Variants in DSCAM observed in about 807,000 individuals in gnomAD.
DSCAM encodes the protein cell adhesion molecule DSCAM.
DSCAM carries 47 observed loss-of-function variants against 217.7 expected under a neutral mutation model. The observed-to-expected ratio is 0.22, with a 90% confidence interval of 0.17 to 0.28. The LOEUF (loss-of-function observed/expected upper bound fraction) is 0.28. Among genes scored for constraint, DSCAM ranks in the 10% least tolerant of loss-of-function variants. The probability of loss-of-function intolerance (pLI) is 1.00; values close to 1 mark genes in which losing one functional copy is unlikely to be tolerated. For synonymous variants in DSCAM, 1,056 were observed against 1,015.3 expected, an observed-to-expected ratio of 1.04 and a Z score of -0.76; for missense variants, 2,080 against 2,618.3, an observed-to-expected ratio of 0.79 and a Z score of 4.49.
rs556740656 is a variant in DSCAM, at chr21:40,362,551, T to C, written c.655+6548A>G. On this transcript the variant is annotated intron_variant, in intron 4 of 32. Coordinates refer to ENST00000400454, the MANE Select transcript of DSCAM (RefSeq NM_001389.5). ...CAGATGTTAAAATTTATCTGAGCTA[T>C]TTTGCTAAGGTTGAAAATGGAATTT... is the stretch of plus-strand genomic sequence containing the variant. 3.3e-5 allele frequency among the ~76,000 whole-genome samples: 5 copies of C among 152,340 alleles called. No homozygotes were observed. The South Asian group carries it at 8.3e-4, about 25-fold the overall frequency.
At chr21:40,633,802 G>A (rs906211032) in intron 3 of DSCAM, among the ~76,000 whole-genome samples, 3 of 152,192 alleles carry the variant, frequency 2.0e-5, no homozygotes, top group Admixed American at 6.5e-5. Flanking sequence ...AATGGTGTAA[G>A]ATGCTTGGAT....
chr21:40,575,312 C>T (rs185262495), intron 3 of DSCAM, among the ~76,000 whole-genome samples: 3 of 152,120 alleles, frequency 2.0e-5, no homozygotes, highest in East Asian at 1.9e-4. Flanking sequence ...TGTTCGCTGA[C>T]TCTTTTTGGA....
At chr21:40,196,984 T>G (rs1289957299) in intron 11 of DSCAM, among the ~76,000 whole-genome samples, 1 of 152,256 alleles carries the variant, frequency 6.6e-6, no homozygotes, top group Non-Finnish European at 1.5e-5. Context: ...CAAAGGTCTA[T>G]GCAGATGGTC....
At chr21:40,020,909 A>G (rs920476780) in intron 32 of DSCAM, among the ~76,000 whole-genome samples, 1 of 152,166 alleles carries the variant, frequency 6.6e-6, no homozygotes. Context: ...CCCTGAGGCC[A>G]ATGCCCTTCC....
intron 2 of DSCAM, among the ~76,000 whole-genome samples, chr21:40,699,080 A>C (rs906173425): frequency 3.3e-5 from 5 of 151,684 alleles, no homozygotes; most frequent in African/African-American, 1.2e-4. Flanking sequence ...AGCAGCATGA[A>C]CTCACTTTGT....
chr21:40,413,873 T>C (rs1013992221), intron 3 of DSCAM, among the ~76,000 whole-genome samples: 1 of 152,090 alleles, frequency 6.6e-6, no homozygotes, highest in Non-Finnish European at 1.5e-5. Context: ...ATTCAAAAAG[T>C]AGTGCTGGAA....
intron 3 of DSCAM, among the ~76,000 whole-genome samples, chr21:40,421,491 T>C (rs1276209508): frequency 6.6e-6 from 1 of 152,238 alleles, no homozygotes; most frequent in Non-Finnish European, 1.5e-5. Flanking sequence ...CTTGTGGGAT[T>C]GGTGTGGGAC....
At chr21:40,213,291 G>A (rs2091203454) in intron 11 of DSCAM, among the ~76,000 whole-genome samples, 1 of 152,188 alleles carries the variant, frequency 6.6e-6, no homozygotes, top group South Asian at 2.1e-4. Context: ...GACATAATAA[G>A]ACCTGGTTAA....
At chr21:40,136,095 C>A (rs1184557517) in intron 18 of DSCAM, among the ~76,000 whole-genome samples, 1 of 152,142 alleles carries the variant, frequency 6.6e-6, no homozygotes, top group African/African-American at 2.4e-5. Flanking sequence ...CTAGGGAGGC[C>A]AGCAGGGTGC....
intron 5 of DSCAM, among the ~76,000 whole-genome samples, chr21:40,351,116 G>T (rs560894430): frequency 1.3e-5 from 2 of 151,914 alleles, no homozygotes; most frequent in Non-Finnish European, 2.9e-5. Flanking sequence ...AGGAAAACCC[G>T]TCATTGAAGA....
chr21:40,123,357 T>C (rs1055615183), intron 20 of DSCAM, among the ~76,000 whole-genome samples: 4 of 152,208 alleles, frequency 2.6e-5, no homozygotes, highest in African/African-American at 9.7e-5. Context: ...AAACGCTTAG[T>C]GAATGACTAC....
intron 17 of DSCAM, among the ~76,000 whole-genome samples, chr21:40,143,588 G>A (rs567700371): frequency 6.6e-6 from 1 of 152,232 alleles, no homozygotes; most frequent in African/African-American, 2.4e-5. Context: ...TCAGGAGATC[G>A]AGACCATCCT....
chr21:40,799,596 T>A (rs933587079), intron 1 of DSCAM, among the ~76,000 whole-genome samples: 1 of 152,192 alleles, frequency 6.6e-6, no homozygotes. Flanking sequence ...ATGGGGAATA[T>A]CTGATTTCCC....
Position 40,414,959 on chromosome 21 carries a change from T to C in DSCAM, c.509-45714A>G, listed in dbSNP as rs115361815. On this transcript the variant is annotated intron_variant, in intron 3 of 32. Transcript: ENST00000400454. The stretch of plus-strand genomic sequence containing the variant: ...CAATTTTCTTACCCTCAATAAAATA[T>C]ATCCAAAGTTACATATAGCAGGATT... 3.2e-3 allele frequency among the ~76,000 whole-genome samples: 491 copies of C among 152,330 alleles called. 4 individuals are homozygous for C. The highest frequency in any genetic ancestry group is 0.011 in the African/African-American group (450 of 41,562).
At chr21:40,603,120 G>T (rs1345804064) in intron 3 of DSCAM, among the ~76,000 whole-genome samples, 2 of 151,984 alleles carry the variant, frequency 1.3e-5, no homozygotes, top group Admixed American at 6.6e-5. Context: ...CAAATATTTA[G>T]AGATTTGCAG....
chr21:40,065,960 C>A (rs909888492), intron 27 of DSCAM, among the ~76,000 whole-genome samples: 1 of 152,226 alleles, frequency 6.6e-6, no homozygotes, highest in African/African-American at 2.4e-5. Context: ...TAACCTCCAA[C>A]CTCTCTCTGA....
intron 19 of DSCAM, among the ~76,000 whole-genome samples, chr21:40,124,799 A>C (rs570340479): frequency 2.1e-4 from 32 of 152,204 alleles, no homozygotes; most frequent in Middle Eastern, 3.4e-3. Flanking sequence ...ACAGCAAATA[A>C]ATTCCTAATG....
intron 11 of DSCAM, among the ~76,000 whole-genome samples, chr21:40,252,116 T>C (rs943101679): frequency 6.6e-6 from 1 of 152,210 alleles, no homozygotes; most frequent in Admixed American, 6.5e-5. Flanking sequence ...TTGTTTCAGA[T>C]GGTTGAAGCC....
intron 10 of DSCAM, among the ~76,000 whole-genome samples, chr21:40,288,008 C>T (rs1298119265): frequency 6.6e-6 from 1 of 152,122 alleles, no homozygotes; most frequent in Non-Finnish European, 1.5e-5. Context: ...GAGTCACACA[C>T]CATTGCAGCC....
Sources: gnomAD v4.1 joint callset for allele counts (sites outside exome capture counted in the v4.1 genomes callset) on GRCh38, gnomAD v4.1.1 for gene constraint, MANE v1.5 for transcripts, NCBI Gene and HGNC (gene_info 2026-07-23, HGNC 2026-07-21) for gene names.